The following KIF1A variants were observed in gnomAD, a reference collection of about 807,000 sequenced individuals.
The protein encoded by KIF1A is kinesin-like protein KIF1A.
KIF1A carries 46 observed loss-of-function variants against 227.3 expected under a neutral mutation model. That is an observed-to-expected ratio of 0.20 (90% CI 0.16 to 0.26). The LOEUF (loss-of-function observed/expected upper bound fraction) is 0.26, where lower values mean the gene tolerates loss of function less well. KIF1A is among the 10% of genes least tolerant of loss of function. KIF1A has a pLI of 1.00. For synonymous variants in KIF1A, 1,022 were observed against 1,012.8 expected, an observed-to-expected ratio of 1.01 and a Z score of -0.17; for missense variants, 1,683 against 2,485.9, an observed-to-expected ratio of 0.68 and a Z score of 6.87.
intron 17 of KIF1A, 106 bp from the exon 18 acceptor site, chr2:240,767,451 C>T: frequency 1.1e-6 from 1 of 909,502 alleles, no homozygotes; most frequent in African/African-American, 1.6e-5. Context: ...CACCAGGGTC[C>T]CTGCCCCCGC....
At chr2:240,772,686 G>T in intron 13 of KIF1A, 90 bp from the exon 14 acceptor site, 1 of 1,044,634 alleles carries the variant, frequency 9.6e-7, no homozygotes, top group Non-Finnish European at 1.4e-6. Context: ...CCTTTCACAG[G>T]CCAGGGTGGC....
At chr2:240,733,551 G>C (rs2046992871) in intron 38 of KIF1A, among the ~76,000 whole-genome samples, 1 of 152,212 alleles carries the variant, frequency 6.6e-6, no homozygotes, top group Non-Finnish European at 1.5e-5. Flanking sequence ...ACGTGCTCAA[G>C]GGACCATGCC....
rs2049926561 is a variant in KIF1A at position 240,757,052 on chromosome 2, G to A, written c.2858+267C>T. The stretch of plus-strand genomic sequence containing the variant: ...CCTGGGGCCACAGCTGCAAGCTCCG[G>A]GGTGCACTACCTCTTCTGTACCTGG... On this transcript the variant is annotated intron_variant, in intron 27 of 48. Transcript: ENST00000498729. This position sits in a 1 kb window ranked among gnomAD's most constrained non-coding sequence, Gnocchi z 6.2. Among the ~76,000 whole-genome samples the A allele has an allele frequency of 6.6e-6, 1 of 152,194 alleles. No homozygotes were observed. The highest frequency in any genetic ancestry group is 2.4e-5 in the African/African-American group (1 of 41,460).
At chr2:240,745,058 A>G (rs2048423738) in intron 32 of KIF1A, among the ~76,000 whole-genome samples, 1 of 152,012 alleles carries the variant, frequency 6.6e-6, no homozygotes, top group Admixed American at 6.5e-5. Flanking sequence ...GGCACCCTGT[A>G]GCCCCTGTGG....
At chr2:240,781,486 C>CACAG (rs2054000394) in intron 10 of KIF1A, among the ~76,000 whole-genome samples, 2 of 123,628 alleles carry the variant, frequency 1.6e-5, no homozygotes, top group Non-Finnish European at 3.4e-5. Context: ...CACACACACA[C>CACAG]AGCTCCACAC....
chr2:240,773,900 A>G (rs2052373222), intron 12 of KIF1A, among the ~76,000 whole-genome samples: 1 of 152,120 alleles, frequency 6.6e-6, no homozygotes, highest in Non-Finnish European at 1.5e-5. Context: ...GTGAGTGTAA[A>G]CTGCTTCGCC....
chr2:240,813,579 C>A (rs903434493), intron 1 of KIF1A, among the ~76,000 whole-genome samples: 1 of 152,174 alleles, frequency 6.6e-6, no homozygotes, highest in Non-Finnish European at 1.5e-5. Context: ...CTGAAGAATG[C>A]AGTACCCCTC....
intron 1 of KIF1A, among the ~76,000 whole-genome samples, chr2:240,812,924 A>C (rs112813828): frequency 0.29 from 12,854 of 44,968 alleles, 711 homozygotes; most frequent in African/African-American, 0.38. Flanking sequence ...CTCGGGGATC[A>C]GCCTTCACCT....
rs10804413 is a variant in KIF1A at position 240,766,749 on chromosome 2, T to A, written c.1684+166A>T. On this transcript the variant is annotated intron_variant, in intron 19 of 48. Transcript: ENST00000498729. This position sits in a 1 kb window ranked among gnomAD's most constrained non-coding sequence, Gnocchi z 5.0. The stretch of plus-strand genomic sequence containing the variant: ...CTCTCTCTCTCTCTCTCTCTCTCTC[T>A]CACACACACACACACACACACACAC... Among the ~76,000 whole-genome samples the A allele has an allele frequency of 0.43, 47,021 of 108,498 alleles. 10,557 individuals are homozygous for A. Among genetic ancestry groups the A allele is most frequent in the East Asian group, 0.57 (1,757 of 3,104 alleles). 71.2% of individuals were successfully genotyped at this position (108,498 alleles called of 152,430 possible).
Position 240,722,478 on chromosome 2 carries a change from C to T in KIF1A, c.4643G>A (p.Arg1548Lys). 1 of 1,547,228 alleles carries T rather than the reference C, an allele frequency of 6.5e-7. No homozygotes were observed. The highest frequency in any genetic ancestry group is 8.7e-7 in the Non-Finnish European group (1 of 1,146,812). The change falls in exon 43 of 49, where the codon AGG becomes AAG. Residue 1548 changes from arginine to lysine, a missense_variant. Around this residue, in one of 12 missense-constraint regions of KIF1A, gnomAD observed 384 missense variants for 410.1 expected, o/e 0.94. Transcript: ENST00000498729. ...RPSPLEAPNE[R>K]QRELAVKCLR... ...CACCTTGACGGCCAGCTCCCGCTGC[C>T]TCTCGTTGGGAGCCTCCAGGGGTGA... is the stretch of plus-strand genomic sequence containing the variant.
rs1416082458 is a variant in KIF1A, at chr2:240,757,254, C to T, written c.2858+65G>A. The T allele has an allele frequency of 7.5e-6, 11 of 1,465,356 alleles. No individual in the cohort carries two copies. The East Asian group carries it at 1.7e-4, about 23-fold the overall frequency. The allele number at this position is 1,465,356 out of a possible 1,614,324, so 90.8% of individuals were successfully genotyped here. A position where few individuals can be genotyped will look rare whatever the true frequency, so the allele number is the denominator to read the frequency against. On this transcript the variant is annotated intron_variant, in intron 27 of 48. Transcript: ENST00000498729. The surrounding 1 kb of genome is among the most constrained non-coding windows in gnomAD (Gnocchi z 6.2). ...CAGGCCCCAGCGGTTCCTCTGTGCC[C>T]GCAGCAGTGCTCCTGTGCAAAAGAG... is the stretch of plus-strand genomic sequence containing the variant.
rs181581235 is a variant in KIF1A at position 240,819,174 on chromosome 2, G to T, written c.-61+948C>A. Among the ~76,000 whole-genome samples, 294 of 152,222 alleles carry T rather than the reference G, an allele frequency of 1.9e-3. 6 individuals carry two copies. The highest frequency in any genetic ancestry group is 0.014 in the Admixed American group (215 of 15,304). ...GGATGCTGCCCCGGCCCTTCCCAGCGAGAGGGCAGCGCGGCTGGTTTGGGG... is the reference window on the plus strand; with the variant it reads ...GGATGCTGCCCCGGCCCTTCCCAGCTAGAGGGCAGCGCGGCTGGTTTGGGG... On this transcript the variant is annotated intron_variant, in intron 1 of 48. Transcript: ENST00000498729.
In KIF1A at chr2:240,745,629, G is replaced by A; in HGVS notation, c.3374+109C>T. The A allele has an allele frequency of 2.7e-6, 4 of 1,494,758 alleles. No individual in the cohort carries two copies. The South Asian group carries it at 4.9e-5, about 18-fold the overall frequency. The allele number at this position is 1,494,758 out of a possible 1,614,324, so 92.6% of individuals were successfully genotyped here. On this transcript the variant is annotated intron_variant, in intron 31 of 48. Transcript: ENST00000498729. ...TGGGGCGTTCAGGGCCTGCGGGCTG[G>A]GCCAACACAGCACCAACATGGCCTG...
intron 23 of KIF1A, among the ~76,000 whole-genome samples, chr2:240,761,946 C>T (rs989674475): frequency 6.6e-6 from 1 of 152,200 alleles, no homozygotes; most frequent in Non-Finnish European, 1.5e-5. Context: ...CCGACCCATG[C>T]CCTGTCTGTC....
At chr2:240,784,144 A>G (rs933065064) in intron 7 of KIF1A, among the ~76,000 whole-genome samples, 3 of 152,070 alleles carry the variant, frequency 2.0e-5, no homozygotes, top group African/African-American at 7.2e-5. Context: ...CACTGTCCCC[A>G]CTTCCATAGA....
intron 27 of KIF1A, among the ~76,000 whole-genome samples, chr2:240,753,389 C>T (rs940981861): frequency 2.6e-5 from 4 of 152,232 alleles, no homozygotes; most frequent in Admixed American, 6.5e-5. Flanking sequence ...GCTGAACAAA[C>T]GCTGTGTGGA....
chr2:240,725,281 C>T lies in KIF1A; in HGVS notation c.4246G>A (p.Ala1416Thr), dbSNP rs2045886041. Residue 1416 changes from alanine to threonine, a missense_variant, in exon 40 of 49, where the codon GCC (alanine) becomes ACC (threonine). Ala to Thr is a moderately conservative substitution (Grantham distance 58, BLOSUM62 0). Around this residue, in one of 12 missense-constraint regions of KIF1A, gnomAD observed 759 missense variants for 1,020.2 expected, o/e 0.74. Transcript: ENST00000498729. This position sits in a 1 kb window ranked among gnomAD's most constrained non-coding sequence, Gnocchi z 5.8. ...CCCCTGGGAGCTTACCTCTCTGAGG[C>T]CCGAAGGCTCCCACTGCCAAAGAGG... The part of the protein sequence containing the change: ...RNLFGSGSLR[A>T]SESNRVTGVY... 2 of 1,602,918 alleles carry T rather than the reference C, an allele frequency of 1.2e-6. No homozygotes were observed. Among genetic ancestry groups the T allele is most frequent in the South Asian group, 1.1e-5 (1 of 89,170 alleles).
chr2:240,734,940 G>C (rs1037550506), intron 38 of KIF1A, among the ~76,000 whole-genome samples: 4 of 152,194 alleles, frequency 2.6e-5, no homozygotes, highest in Admixed American at 1.3e-4. Flanking sequence ...CCCCAGGCTG[G>C]AGCCAGAAGC....
intron 33 of KIF1A, among the ~76,000 whole-genome samples, chr2:240,743,417 G>A (rs1440190585): frequency 2.6e-5 from 4 of 152,220 alleles, no homozygotes; most frequent in African/African-American, 9.6e-5. Flanking sequence ...GGAGGGGTCG[G>A]CTTGGCCCAG....
Sources: allele counts gnomAD v4.1 joint callset (sites outside exome capture counted in the v4.1 genomes callset), GRCh38; gene constraint gnomAD v4.1.1; regional missense constraint gnomAD v4.1.1; non-coding constraint Gnocchi (gnomAD v3.1); transcripts MANE v1.5; gene names NCBI Gene and HGNC (gene_info 2026-07-23, HGNC 2026-07-21).